BACH2: variants seen among roughly 807,000 people sequenced by gnomAD.
The protein encoded by BACH2 is BACH transcriptional regulator 2.
Under a neutral mutation model 61.8 loss-of-function variants are expected in BACH2, and 5 were observed. That is an observed-to-expected ratio of 0.08 (90% CI 0.04 to 0.17). The LOEUF (loss-of-function observed/expected upper bound fraction) is 0.17, where lower values mean the gene tolerates loss of function less well. Among genes scored for constraint, BACH2 ranks in the 10% least tolerant of loss-of-function variants. BACH2 has a pLI of 1.00. For missense variants in BACH2, 824 were observed against 1,091.1 expected (o/e 0.76, Z 3.45); for synonymous variants, 446 against 440.1 (o/e 1.01, Z -0.17).
intron 3 of BACH2, chr6:90,218,219 G>A (rs1769605025): frequency 6.6e-6 from 1 of 152,158 alleles, no homozygotes; most frequent in Non-Finnish European, 1.5e-5. Flanking sequence ...GGAACCCAAC[G>A]CTGTCAACAG....
chr6:90,152,543 C>T (rs544016967), intron 4 of BACH2, among the ~76,000 whole-genome samples: 1 of 152,144 alleles, frequency 6.6e-6, no homozygotes. Context: ...TAATATTAGG[C>T]TATTGTACAT....
chr6:90,030,799 T>C (rs1778935112), intron 5 of BACH2, among the ~76,000 whole-genome samples: 1 of 151,960 alleles, frequency 6.6e-6, no homozygotes, highest in Admixed American at 6.6e-5. Context: ...GTACCATTCC[T>C]TCTGAAACTA....
At chr6:90,287,345 T>A (rs1396547137) in intron 1 of BACH2, among the ~76,000 whole-genome samples, 2 of 152,176 alleles carry the variant, frequency 1.3e-5, no homozygotes, top group East Asian at 3.8e-4. Context: ...TCAATGCAAC[T>A]GGGGTGGGGA....
intron 5 of BACH2, among the ~76,000 whole-genome samples, chr6:90,068,651 G>A (rs6917073): frequency 0.027 from 3,899 of 144,640 alleles, 170 homozygotes; most frequent in African/African-American, 0.087. Context: ...TTTTTTTTTT[G>A]TTTTCTTGGA....
intron 7 of BACH2, among the ~76,000 whole-genome samples, chr6:89,946,887 T>C (rs931194578): frequency 5.9e-5 from 9 of 152,146 alleles, no homozygotes; most frequent in Admixed American, 1.3e-4. Flanking sequence ...CTGCGCTAAT[T>C]TGATCTTTCT....
At chr6:89,988,420 C>T (rs1776358626) in intron 6 of BACH2, among the ~76,000 whole-genome samples, 1 of 152,128 alleles carries the variant, frequency 6.6e-6, no homozygotes, top group African/African-American at 2.4e-5. Flanking sequence ...TTGGGCTTGA[C>T]ATAATAACTG....
At chr6:90,014,458 ATATATATATATTTTTTTT>A (rs1319434139) in intron 5 of BACH2, among the ~76,000 whole-genome samples, 1 of 67,634 alleles carries the variant, frequency 1.5e-5, no homozygotes, top group African/African-American at 9.1e-5. Context: ...ATATATATAT[ATATATATATATTTTTTTT>A]TTTTTTTTTT....
At chr6:90,012,179 C>CA (rs1334879318) in intron 5 of BACH2, among the ~76,000 whole-genome samples, 11 of 152,176 alleles carry the variant, frequency 7.2e-5, no homozygotes, top group Admixed American at 3.9e-4. Context: ...TTTCCATATA[C>CA]ATTTTATAAT....
At position 89,965,766 on chromosome 6, in the gene BACH2, G is replaced by T. The variant is rs572405342; in HGVS notation, c.244-13904C>A. Among the ~76,000 whole-genome samples the T allele has an allele frequency of 2.0e-4, 30 of 152,256 alleles. No homozygotes were observed. The South Asian group carries it at 6.2e-3, about 32-fold the overall frequency. ...GAACTGAAGAACTGACAGATCACACGTCTCTTATGGAAAATATTATTTTCT... is the reference window on the plus strand; with the variant it reads ...GAACTGAAGAACTGACAGATCACACTTCTCTTATGGAAAATATTATTTTCT... On this transcript the variant is annotated intron_variant, in intron 6 of 8. Coordinates refer to ENST00000257749, the MANE Select transcript of BACH2 (RefSeq NM_021813.4).
At chr6:90,030,922 T>C (rs1205445954) in intron 5 of BACH2, among the ~76,000 whole-genome samples, 1 of 144,204 alleles carries the variant, frequency 6.9e-6, no homozygotes, top group Admixed American at 6.7e-5. Context: ...TTTAGACCAA[T>C]ATCCTTGATG....
At chr6:90,178,498 C>T (rs928814059) in intron 4 of BACH2, among the ~76,000 whole-genome samples, 9 of 152,194 alleles carry the variant, frequency 5.9e-5, no homozygotes, top group Non-Finnish European at 1.0e-4. Flanking sequence ...GCTAACTGTA[C>T]TCCTCGCTCC....
At chr6:89,938,409 G>A in intron 7 of BACH2, 59 bp from the exon 8 acceptor site, 1 of 1,465,968 alleles carries the variant, frequency 6.8e-7, no homozygotes. Context: ...CTGGCAGGCG[G>A]AACATCAAAA....
chr6:90,030,276 G>A (rs1281114922), intron 5 of BACH2, among the ~76,000 whole-genome samples: 2 of 152,102 alleles, frequency 1.3e-5, no homozygotes, highest in Admixed American at 6.5e-5. Flanking sequence ...GGCACCCTCA[G>A]GATGATGCTT....
chr6:90,262,216 T>C (rs1771182678), intron 2 of BACH2, among the ~76,000 whole-genome samples: 1 of 152,252 alleles, frequency 6.6e-6, no homozygotes, highest in African/African-American at 2.4e-5. Flanking sequence ...ATTCATACAA[T>C]GTGGCATATG....
chr6:90,034,757 G>T (rs1420844511), intron 5 of BACH2, among the ~76,000 whole-genome samples: 1 of 152,030 alleles, frequency 6.6e-6, no homozygotes, highest in Non-Finnish European at 1.5e-5. Flanking sequence ...GTCTCTCTTT[G>T]AGCACCAAAG....
intron 4 of BACH2, among the ~76,000 whole-genome samples, chr6:90,101,796 G>T (rs1390761314): frequency 6.6e-6 from 1 of 152,124 alleles, no homozygotes; most frequent in Non-Finnish European, 1.5e-5. Context: ...AACATTGGAT[G>T]TCTTTCCATT....
At chr6:89,946,975 TACA>T (rs1773764229) in intron 7 of BACH2, among the ~76,000 whole-genome samples, 1 of 152,242 alleles carries the variant, frequency 6.6e-6, no homozygotes, top group South Asian at 2.1e-4. Context: ...ACGGTATAAC[TACA>T]ACATCTTACA....
intron 3 of BACH2, among the ~76,000 whole-genome samples, chr6:90,248,047 C>T (rs1770694799): frequency 6.6e-6 from 1 of 152,196 alleles, no homozygotes; most frequent in African/African-American, 2.4e-5. Context: ...AATACATATG[C>T]TCCTTGAGAG....
At chr6:90,256,013 A>C (rs929485788) in intron 2 of BACH2, among the ~76,000 whole-genome samples, 3 of 152,188 alleles carry the variant, frequency 2.0e-5, no homozygotes, top group African/African-American at 7.2e-5. Flanking sequence ...TTTCCTTTTA[A>C]AACTATTCAG....
Sources: gnomAD v4.1 joint callset for allele counts (sites outside exome capture counted in the v4.1 genomes callset) on GRCh38, gnomAD v4.1.1 for gene constraint, MANE v1.5 for transcripts, NCBI Gene and HGNC (gene_info 2026-07-23, HGNC 2026-07-21) for gene names.